Variants in GPC3 observed in about 807,000 individuals in gnomAD.
The protein encoded by GPC3 is glypican 3.
In GPC3, 3 loss-of-function variants were observed where a neutral mutation model predicts 34.4. That is an observed-to-expected ratio of 0.09 (90% CI 0.04 to 0.23). The LOEUF is 0.23. Ranked by LOEUF, GPC3 falls within the 10% of genes least tolerant of loss-of-function variation. The pLI, the probability that GPC3 is intolerant of heterozygous loss-of-function variation, is 1.00. For synonymous variants in GPC3, 177 were observed against 174.0 expected, an observed-to-expected ratio of 1.02 and a Z score of -0.13; for missense variants, 351 against 445.6, an observed-to-expected ratio of 0.79 and a Z score of 1.91.
intron 1 of GPC3, among the ~76,000 whole-genome samples, chrX:133,962,576 T>G (rs948895638): frequency 9.8e-5 from 11 of 111,865 alleles, no homozygotes; most frequent in African/African-American, 3.2e-4. Flanking sequence ...AAAACTGGGT[T>G]GGAGAACAAT....
intron 6 of GPC3, among the ~76,000 whole-genome samples, chrX:133,636,210 T>C (rs1265169076): frequency 8.9e-6 from 1 of 112,775 alleles, no homozygotes; most frequent in East Asian, 2.8e-4. Context: ...TGAAATGCGA[T>C]TGCTATTTAA....
At chrX:133,664,179 G>A (rs1412490270) in intron 5 of GPC3, among the ~76,000 whole-genome samples, 1 of 112,310 alleles carries the variant, frequency 8.9e-6, no homozygotes, top group Non-Finnish European at 1.9e-5. Flanking sequence ...GAAAAGTGAA[G>A]ATGCCTAAAC....
chrX:133,852,454 T>G (rs2124560376), intron 2 of GPC3, among the ~76,000 whole-genome samples: 1 of 112,531 alleles, frequency 8.9e-6, no homozygotes, highest in South Asian at 3.7e-4. Context: ...GCAGCTAAAA[T>G]GGGATTCTTT....
intron 2 of GPC3, among the ~76,000 whole-genome samples, chrX:133,813,612 G>A (rs1328789957): frequency 8.9e-6 from 1 of 112,530 alleles, no homozygotes; most frequent in Non-Finnish European, 1.9e-5. Flanking sequence ...TTCTGATGCA[G>A]AATGAATGAA....
intron 2 of GPC3, among the ~76,000 whole-genome samples, chrX:133,846,605 C>A (rs753968429): frequency 5.4e-5 from 6 of 111,373 alleles, no homozygotes; most frequent in Admixed American, 9.6e-5. Flanking sequence ...AGAACCAGAA[C>A]GATATCCAAC....
chrX:133,561,379 C>A (rs1163021134), intron 7 of GPC3, among the ~76,000 whole-genome samples: 1 of 112,233 alleles, frequency 8.9e-6, no homozygotes, highest in Non-Finnish European at 1.9e-5. Flanking sequence ...TTGTGAATGG[C>A]CTGTTTTGTA....
intron 3 of GPC3, among the ~76,000 whole-genome samples, chrX:133,733,390 C>T (rs933113554): frequency 3.6e-5 from 4 of 111,006 alleles, no homozygotes; most frequent in African/African-American, 1.3e-4. Flanking sequence ...GAATTCACCA[C>T]TATATATTTC....
chrX:133,615,423 T>A (rs2070150335), intron 6 of GPC3, among the ~76,000 whole-genome samples: 2 of 111,326 alleles, frequency 1.8e-5, no homozygotes, highest in Admixed American at 1.9e-4. Flanking sequence ...AATATATTCA[T>A]AGAAATATAT....
At chrX:133,750,485 A>G (rs768701117) in intron 3 of GPC3, among the ~76,000 whole-genome samples, 3 of 112,143 alleles carry the variant, frequency 2.7e-5, no homozygotes, top group Non-Finnish European at 5.6e-5. Context: ...TTTGTAAATC[A>G]ATGGGATTGG....
intron 2 of GPC3, among the ~76,000 whole-genome samples, chrX:133,805,254 G>A (rs982240751): frequency 1.8e-5 from 2 of 111,801 alleles, no homozygotes; most frequent in Non-Finnish European, 3.8e-5. Context: ...CTATCTACAG[G>A]GATTTACACC....
At chrX:133,885,973 T>C (rs1403716477) in intron 2 of GPC3, among the ~76,000 whole-genome samples, 1 of 111,464 alleles carries the variant, frequency 9.0e-6, no homozygotes, top group Non-Finnish European at 1.9e-5. Context: ...ACAGGAATTG[T>C]CTCCATTTTC....
chrX:133,611,343 G>T, intron 6 of GPC3, among the ~76,000 whole-genome samples: 1 of 110,928 alleles, frequency 9.0e-6, no homozygotes, highest in Non-Finnish European at 1.9e-5. Flanking sequence ...GTTCCTTTCT[G>T]CAAGGTGTGG....
chrX:133,824,788 T>G (rs1470714935), intron 2 of GPC3, among the ~76,000 whole-genome samples: 1 of 112,256 alleles, frequency 8.9e-6, no homozygotes, highest in East Asian at 2.8e-4. Flanking sequence ...AAAAAAAAGT[T>G]AATACCAAAA....
In GPC3 at chrX:133,904,467, G is replaced by A. The variant is rs60774536; in HGVS notation, c.337+48583C>T. On this transcript the variant is annotated intron_variant, in intron 2 of 7. Transcript: ENST00000370818. ...ATCAGGCTGGCAGTTAGTGCTCTGAGAGGTCAGAAATGGGACTGAGGCCAG... is the reference window on the plus strand; with the variant it reads ...ATCAGGCTGGCAGTTAGTGCTCTGAAAGGTCAGAAATGGGACTGAGGCCAG... Among the ~76,000 whole-genome samples the A allele has an allele frequency of 8.2e-3, 924 of 112,272 alleles. 8 individuals are homozygous for A. Among genetic ancestry groups the A allele is most frequent in the African/African-American group, 0.029 (882 of 30,875 alleles).
At chrX:133,797,148 C>G (rs4384145) in intron 2 of GPC3, among the ~76,000 whole-genome samples, 9,926 of 110,110 alleles carry the variant, frequency 0.09, 1,125 homozygotes, top group African/African-American at 0.31. Flanking sequence ...GCTGCTGTTA[C>G]AGTCCTACCC....
chrX:133,579,681 C>A (rs976790731), intron 7 of GPC3, among the ~76,000 whole-genome samples: 8 of 111,122 alleles, frequency 7.2e-5, no homozygotes, highest in Non-Finnish European at 1.1e-4. Flanking sequence ...GTAGCTGGGA[C>A]TACAGGCTCA....
intron 1 of GPC3, among the ~76,000 whole-genome samples, chrX:133,973,865 C>T (rs1420007111): frequency 9.0e-6 from 1 of 111,569 alleles, no homozygotes; most frequent in Non-Finnish European, 1.9e-5. Flanking sequence ...AGAGGAGCCA[C>T]CATGTTGGAA....
intron 3 of GPC3, among the ~76,000 whole-genome samples, chrX:133,725,262 C>T (rs753665350): frequency 2.7e-5 from 3 of 111,957 alleles, no homozygotes; most frequent in Non-Finnish European, 3.8e-5. Context: ...GTGGCTCATG[C>T]CTATAATCCC....
chrX:133,565,336 C>T (rs749530647), intron 7 of GPC3, among the ~76,000 whole-genome samples: 1 of 111,979 alleles, frequency 8.9e-6, no homozygotes, highest in South Asian at 3.8e-4. Flanking sequence ...TGTCACTTCT[C>T]TGCTCAAAAG....
Sources: allele counts gnomAD v4.1 joint callset (sites outside exome capture counted in the v4.1 genomes callset), GRCh38; gene constraint gnomAD v4.1.1; transcripts MANE v1.5; gene names NCBI Gene and HGNC (gene_info 2026-07-23, HGNC 2026-07-21).